The following DCC variants were observed in gnomAD, a reference collection of about 807,000 sequenced individuals.
DCC encodes the protein netrin receptor DCC.
In DCC, 58 loss-of-function variants were observed where a neutral mutation model predicts 172.5. The ratio of observed to expected loss-of-function variants is 0.34; its 90% CI spans 0.27 to 0.42. The LOEUF is 0.42. Ranked by LOEUF, DCC falls within the 10% of genes least tolerant of loss-of-function variation. The pLI is 1.00. For synonymous variants in DCC, 709 were observed against 644.5 expected (o/e 1.10, Z -1.52); for missense variants, 1,740 against 1,791.0 (o/e 0.97, Z 0.51).
intron 1 of DCC, among the ~76,000 whole-genome samples, chr18:52,479,589 C>G (rs947016629): frequency 7.0e-6 from 1 of 142,702 alleles, no homozygotes; most frequent in Non-Finnish European, 1.6e-5. Context: ...CACCCCCCCC[C>G]CGTCTCCCTT....
At chr18:53,328,126 T>C (rs981661138) in intron 14 of DCC, among the ~76,000 whole-genome samples, 4 of 152,230 alleles carry the variant, frequency 2.6e-5, no homozygotes, top group African/African-American at 7.2e-5. Flanking sequence ...AAAGTTCCAC[T>C]GTACAAAGGA....
At chr18:52,436,411 C>T (rs922286804) in intron 1 of DCC, among the ~76,000 whole-genome samples, 5 of 152,172 alleles carry the variant, frequency 3.3e-5, no homozygotes, top group African/African-American at 1.2e-4. Flanking sequence ...TTCTACATGA[C>T]GCTCTCCATT....
At chr18:52,981,963 C>T (rs1380492195) in intron 5 of DCC, among the ~76,000 whole-genome samples, 1 of 151,972 alleles carries the variant, frequency 6.6e-6, no homozygotes, top group Non-Finnish European at 1.5e-5. Flanking sequence ...GAAGGCATTC[C>T]AGGCAGGAAA....
At chr18:52,986,265 T>A (rs1404629323) in intron 5 of DCC, among the ~76,000 whole-genome samples, 1 of 152,140 alleles carries the variant, frequency 6.6e-6, no homozygotes, top group East Asian at 1.9e-4. Context: ...AATCATTAAG[T>A]TTCTTTAGAG....
intron 1 of DCC, among the ~76,000 whole-genome samples, chr18:52,570,239 G>T (rs2033262323): frequency 6.6e-6 from 1 of 152,152 alleles, no homozygotes; most frequent in Non-Finnish European, 1.5e-5. Context: ...TGGATTATCT[G>T]CTGTGGCTTG....
intron 12 of DCC, among the ~76,000 whole-genome samples, chr18:53,220,328 C>A (rs2055913320): frequency 6.6e-6 from 1 of 152,094 alleles, no homozygotes; most frequent in South Asian, 2.1e-4. Context: ...GAAAAGGGGT[C>A]TGGACCCACT....
intron 2 of DCC, among the ~76,000 whole-genome samples, chr18:52,876,528 G>A (rs1008597905): frequency 6.6e-6 from 1 of 152,156 alleles, no homozygotes; most frequent in Non-Finnish European, 1.5e-5. Context: ...AGAAAACATA[G>A]ATGTATTTTC....
chr18:53,179,032 A>G lies in DCC; in HGVS notation c.1489A>G (p.Met497Val), dbSNP rs1376029896. ...LTVGNLKPEAMYTFRVVAYNE... is the reference protein window; with the variant it reads ...LTVGNLKPEAVYTFRVVAYNE... ...TGTGGGAAACCTGAAGCCAGAAGCC[A>G]TGTACACCTTTCGAGTTGTGGCTTA... Residue 497 changes from methionine (M) to valine (V), a missense_variant, in exon 9 of 29, where the codon ATG becomes GTG. Coordinates refer to ENST00000442544, the MANE Select transcript of DCC (RefSeq NM_005215.4). 2 of 1,613,978 alleles carry G rather than the reference A, an allele frequency of 1.2e-6. No homozygotes were observed. The highest frequency in any genetic ancestry group is 1.3e-5 in the African/African-American group (1 of 74,938).
chr18:52,388,511 T>C (rs1298778025), intron 1 of DCC, among the ~76,000 whole-genome samples: 1 of 152,080 alleles, frequency 6.6e-6, no homozygotes, highest in Non-Finnish European at 1.5e-5. Flanking sequence ...GTGCCACTTT[T>C]TTTTTTCCCC....
At chr18:52,692,259 T>G (rs1351378755) in intron 1 of DCC, among the ~76,000 whole-genome samples, 1 of 152,146 alleles carries the variant, frequency 6.6e-6, no homozygotes. Context: ...AAAAGGATCT[T>G]TGCCAAGTAT....
chr18:52,941,967 G>C (rs1706438845), intron 5 of DCC, among the ~76,000 whole-genome samples: 1 of 152,002 alleles, frequency 6.6e-6, no homozygotes, highest in Admixed American at 6.6e-5. Flanking sequence ...ATTTTTAGTA[G>C]AGACAAGGTT....
At chr18:52,764,951 G>C (rs1023540356) in intron 2 of DCC, among the ~76,000 whole-genome samples, 2 of 152,034 alleles carry the variant, frequency 1.3e-5, no homozygotes, top group Admixed American at 1.3e-4. Flanking sequence ...AGAAGAATGA[G>C]AACTCTTTCT....
At position 53,526,794 on chromosome 18, in the gene DCC, G is replaced by C. The variant is rs759266014; in HGVS notation, c.4254+35G>C. 8.7e-6 allele frequency: 14 copies of C among 1,612,116 alleles called. No individual in the cohort carries two copies. In the African/African-American group the frequency reaches 1.9e-4, roughly 22 times the overall value. ...TCTTTAAAATTCATGCTTCATCAAG[G>C]GACAGATTGACTGGCGCTGTGTAAT... On this transcript the variant is annotated intron_variant, in intron 28 of 28. Coordinates refer to ENST00000442544, the MANE Select transcript of DCC (RefSeq NM_005215.4).
intron 19 of DCC, among the ~76,000 whole-genome samples, chr18:53,409,726 C>A (rs1195719012): frequency 6.6e-6 from 1 of 152,026 alleles, no homozygotes; most frequent in East Asian, 1.9e-4. Flanking sequence ...CACAGAAAAT[C>A]AATAATACTA....
chr18:52,352,366 T>A (rs1984162453), intron 1 of DCC, among the ~76,000 whole-genome samples: 1 of 152,188 alleles, frequency 6.6e-6, no homozygotes, highest in Non-Finnish European at 1.5e-5. Context: ...CAGACTCCAA[T>A]GGCAATTTTG....
intron 12 of DCC, among the ~76,000 whole-genome samples, chr18:53,286,626 A>G (rs979351431): frequency 6.6e-6 from 1 of 152,192 alleles, no homozygotes; most frequent in African/African-American, 2.4e-5. Flanking sequence ...ACTTGATGCA[A>G]TGGAGTAGGA....
At chr18:52,960,816 T>C (rs1217618935) in intron 5 of DCC, among the ~76,000 whole-genome samples, 1 of 152,168 alleles carries the variant, frequency 6.6e-6, no homozygotes, top group African/African-American at 2.4e-5. Flanking sequence ...AATCAAGACC[T>C]TATTGATGGA....
At chr18:53,158,228 G>C (rs1296998260) in intron 8 of DCC, among the ~76,000 whole-genome samples, 1 of 152,140 alleles carries the variant, frequency 6.6e-6, no homozygotes, top group Non-Finnish European at 1.5e-5. Context: ...TGTCATATCA[G>C]TGTCCAGTAC....
intron 1 of DCC, among the ~76,000 whole-genome samples, chr18:52,735,269 A>G (rs2036707317): frequency 6.6e-6 from 1 of 152,098 alleles, no homozygotes; most frequent in Non-Finnish European, 1.5e-5. Context: ...TCATCCCTCC[A>G]GGGCTCACTG....
Sources: allele counts gnomAD v4.1 joint callset (sites outside exome capture counted in the v4.1 genomes callset), GRCh38; gene constraint gnomAD v4.1.1; transcripts MANE v1.5; gene names NCBI Gene and HGNC (gene_info 2026-07-23, HGNC 2026-07-21).